DRC3: variants seen among roughly 807,000 people sequenced by gnomAD.
DRC3 encodes the protein leucine rich repeat containing 48.
DRC3 carries 45 observed loss-of-function variants against 57.6 expected under a neutral mutation model. The ratio of observed to expected loss-of-function variants is 0.78; its 90% CI spans 0.62 to 1.00. DRC3 has a LOEUF of 1.00. Among genes scored for constraint, DRC3 ranks in the 50% least tolerant of loss-of-function variants. DRC3 has a pLI of 0.00. For missense variants in DRC3, 655 were observed against 675.2 expected, an observed-to-expected ratio of 0.97 and a Z score of 0.33; for synonymous variants, 257 against 272.3, an observed-to-expected ratio of 0.94 and a Z score of 0.55.
At chr17:18,007,669 G>T (rs1249468627) in intron 12 of DRC3, 12 of 1,352,884 alleles carry the variant, frequency 8.9e-6, no homozygotes, top group African/African-American at 1.5e-5. Flanking sequence ...ACGCTAAGAA[G>T]GCTCTCCCGG....
chr17:18,006,681 G>C, intron 11 of DRC3: 1 of 375,462 alleles, frequency 2.7e-6, no homozygotes, highest in Middle Eastern at 8.1e-4. Flanking sequence ...CAGCCCTGTG[G>C]TCCTGCCCTC....
At chr17:18,006,478 T>A in intron 11 of DRC3, 2 of 574,812 alleles carry the variant, frequency 3.5e-6, no homozygotes, top group Admixed American at 6.0e-5. Flanking sequence ...TGATGTTCAC[T>A]AGGAAATGAC....
At position 18,011,636 on chromosome 17, in the gene DRC3, G is replaced by A. The variant is rs183197300; in HGVS notation, c.1327-4428G>A. ...TGCTACACCTCAGCCAGGAGCTGCA[G>A]TGCCACCCTGGGCAACTTTGCCAAG... is the stretch of plus-strand genomic sequence containing the variant. On this transcript the variant is annotated intron_variant, in intron 12 of 13. Transcript: ENST00000399187. 2.1e-5 allele frequency: 4 copies of A among 187,818 alleles called. No individual in the cohort carries two copies. The East Asian group carries it at 4.2e-4, about 20-fold the overall frequency. 11.6% of individuals were successfully genotyped at this position (187,818 alleles called of 1,614,324 possible). A position where few individuals can be genotyped will look rare whatever the true frequency, so the allele number is the denominator to read the frequency against.
chr17:18,007,584 A>G, intron 12 of DRC3: 1 of 1,467,428 alleles, frequency 6.8e-7, no homozygotes. Flanking sequence ...GGTTTGCACC[A>G]GCACATCCAC....
chr17:18,007,045 G>A lies in DRC3; in HGVS notation c.1224G>A (p.Leu408=), dbSNP rs2043982000. Residue 408 remains leucine, a synonymous_variant, in exon 12 of 14, where the codon CTG becomes CTA. Coordinates refer to ENST00000399187, the MANE Select transcript of DRC3 (RefSeq NM_031294.4). The stretch of plus-strand genomic sequence containing the variant: ...GCACGATGGCTCAGTGCCGGGACCT[G>A]GAGAATCACCACCACGAGAAGCTCC... ...VQSLMAQCRD[L]ENHHHEKLLE... 2 of 1,612,772 alleles carry A rather than the reference G, an allele frequency of 1.2e-6. No homozygotes were observed. The highest frequency in any genetic ancestry group is 2.2e-5 in the South Asian group (2 of 91,026).
In DRC3 at chr17:17,994,434, G is replaced by A. The variant is rs756692479; in HGVS notation, c.711+16G>A. 2 of 1,550,074 alleles carry A rather than the reference G, an allele frequency of 1.3e-6. No individual in the cohort carries two copies. Among genetic ancestry groups the A allele is most frequent in the South Asian group, 1.2e-5 (1 of 84,020 alleles). ...GAAGCACAAGGTACCGTTCCGGCAG[G>A]CTGCACGCCCTCGGCCCCCTCAGAT... On this transcript the variant is annotated intron_variant, in intron 7 of 13. Transcript: ENST00000399187.
Position 17,997,653 on chromosome 17 carries a change from GAGGCCCTCCCTGTCTC to G in DRC3, c.999+20_999+35del. The G allele has an allele frequency of 6.4e-7, 1 of 1,573,288 alleles. No individual in the cohort carries two copies. The highest frequency in any genetic ancestry group is 1.4e-5 in the African/African-American group (1 of 73,562). On this transcript the variant is annotated intron_variant, in intron 9 of 13. Transcript: ENST00000399187. ...CTTGTCGGTAGGCCCCGAGCCTCCT[GAGGCCCTCCCTGTCTC>G]CTGCTGTAGGCCCTCCCTGCTCTTG...
At chr17:18,000,167 A>G (rs1314150605) in intron 9 of DRC3, among the ~76,000 whole-genome samples, 1 of 134,408 alleles carries the variant, frequency 7.4e-6, no homozygotes. Flanking sequence ...TATGCATAGC[A>G]TGCCCTGTTC....
Position 18,004,512 on chromosome 17 carries a change from G to C in DRC3, c.1131+18G>C. The stretch of plus-strand genomic sequence containing the variant: ...AGCTGGAGGTAAGGCTGGGCCCTGG[G>C]CACAAGTGCCAGAATCTGGCGATGC... On this transcript the variant is annotated intron_variant, in intron 10 of 13. Transcript: ENST00000399187. 1 of 1,605,588 alleles carries C rather than the reference G, an allele frequency of 6.2e-7. No individual in the cohort carries two copies. The highest frequency in any genetic ancestry group is 8.5e-7 in the Non-Finnish European group (1 of 1,176,382).
At chr17:18,003,752 C>T (rs1277377318) in intron 9 of DRC3, among the ~76,000 whole-genome samples, 1 of 147,972 alleles carries the variant, frequency 6.8e-6, no homozygotes, top group African/African-American at 2.5e-5. Flanking sequence ...ACGCCATTCT[C>T]CTGCCTCAGC....
Position 17,997,527 on chromosome 17 carries a change from C to A in DRC3, c.892C>A (p.Arg298=). ...GTATGGCCTGAAACAGCAGGAGAAG[C>A]GGAAAACAGAGCTTGACACCTTCAG... ...FEYGLKQQEK[R]KTELDTFSEC... Residue 298 remains arginine, a synonymous_variant, in exon 9 of 14, where the codon CGG becomes AGG. Transcript: ENST00000399187. 1 of 1,611,370 alleles carries A rather than the reference C, an allele frequency of 6.2e-7. No individual in the cohort carries two copies. The highest frequency in any genetic ancestry group is 1.1e-5 in the South Asian group (1 of 90,508).
chr17:17,987,335 T>C (rs575894887), intron 4 of DRC3, among the ~76,000 whole-genome samples: 34 of 151,834 alleles, frequency 2.2e-4, no homozygotes, highest in Admixed American at 1.8e-3. Flanking sequence ...TGGAGGAACC[T>C]GACCTGCCAC....
intron 12 of DRC3, chr17:18,010,596 C>CA (rs2044133541): frequency 6.4e-6 from 1 of 156,260 alleles, no homozygotes; most frequent in Admixed American, 6.5e-5. Flanking sequence ...ACCAAAACAG[C>CA]ATGGTACTGG....
chr17:17,978,969 A>G (rs147679420), intron 3 of DRC3, among the ~76,000 whole-genome samples: 3,123 of 152,338 alleles, frequency 0.021, 41 homozygotes, highest in Non-Finnish European at 0.034. Flanking sequence ...AATAAAATGA[A>G]GAAGGAAAAT....
chr17:18,015,927 T>A, intron 12 of DRC3, 137 bp from the exon 13 acceptor site: 1 of 844,024 alleles, frequency 1.2e-6, no homozygotes, highest in East Asian at 2.6e-5. Flanking sequence ...CAGAGTGCGC[T>A]GATACAAAGG....
At chr17:18,000,077 CGTGTGTGTGTGT>C (rs35063272) in intron 9 of DRC3, among the ~76,000 whole-genome samples, 1 of 132,022 alleles carries the variant, frequency 7.6e-6, no homozygotes, top group Admixed American at 7.7e-5. Context: ...ACTTTGCTTT[CGTGTGTGTGTGT>C]GTGTGTGTGT....
At chr17:17,975,524 C>A (rs1270645389) in intron 2 of DRC3, among the ~76,000 whole-genome samples, 2 of 146,638 alleles carry the variant, frequency 1.4e-5, no homozygotes, top group African/African-American at 5.1e-5. Context: ...CACCCCCCCC[C>A]CAAAAAAAAG....
rs2042833453 is a variant in DRC3 at position 17,983,925 on chromosome 17, C to T, written c.258C>T (p.Leu86=). ...IIEKIEGLEN[L]AHLVWLDLSF... ...AGAAGATCGAGGGCCTGGAGAACCT[C>T]GCACACCTGGTCTGGCTGGGTAAGG... The change falls in exon 4 of 14, where the codon CTC becomes CTT. Residue 86 remains leucine, a synonymous_variant. Coordinates refer to ENST00000399187, the MANE Select transcript of DRC3 (RefSeq NM_031294.4). 4.3e-6 allele frequency: 7 copies of T among 1,612,392 alleles called. No homozygotes were observed. The Middle Eastern group carries it at 5.0e-4, about 114-fold the overall frequency.
intron 7 of DRC3, among the ~76,000 whole-genome samples, chr17:17,994,700 C>T (rs1033667456): frequency 6.6e-6 from 1 of 152,198 alleles, no homozygotes; most frequent in Non-Finnish European, 1.5e-5. Context: ...CCTTAAGACC[C>T]TTAAGGCAGT....
Sources: allele counts gnomAD v4.1 joint callset (sites outside exome capture counted in the v4.1 genomes callset), GRCh38; gene constraint gnomAD v4.1.1; transcripts MANE v1.5; gene names NCBI Gene and HGNC (gene_info 2026-07-23, HGNC 2026-07-21).